The following VCF1 variants were observed in gnomAD, a reference collection of about 807,000 sequenced individuals.
VCF1 encodes protein VCF1.
At chr17:73,208,195 C>T in the VCF1 span, 15 of 1,577,914 alleles carry the variant, frequency 9.5e-6, no homozygotes, top group South Asian at 6.8e-5. Context: ...CTAGAGCCAT[C>T]GTGCTTCTCA....
At chr17:73,208,530 T>C in the VCF1 span, 2 of 1,501,718 alleles carry the variant, frequency 1.3e-6, no homozygotes, top group African/African-American at 1.4e-5. Flanking sequence ...CATCTGATTC[T>C]CAGCCACACC....
At chr17:73,222,425 G>A in the VCF1 span, among the ~76,000 whole-genome samples, 67,468 of 151,538 alleles carry the variant, frequency 0.45, 16,026 homozygotes, top group East Asian at 0.6. Flanking sequence ...CATGTACTTG[G>A]AAAAAACAGC....
chr17:73,207,569 T>G, the VCF1 span: 1 of 720,048 alleles, frequency 1.4e-6, no homozygotes, highest in Non-Finnish European at 2.2e-6. Flanking sequence ...ACTATCATTG[T>G]ACTTGTTTGG....
At chr17:73,230,916 T>A in the VCF1 span, among the ~76,000 whole-genome samples, 1 of 152,256 alleles carries the variant, frequency 6.6e-6, no homozygotes, top group Non-Finnish European at 1.5e-5. Context: ...AGATTTTTTT[T>A]CAGATATGTG....
At chr17:73,215,204 G>A in the VCF1 span, among the ~76,000 whole-genome samples, 11 of 152,200 alleles carry the variant, frequency 7.2e-5, no homozygotes, top group Non-Finnish European at 1.0e-4. Context: ...ACCTACCACT[G>A]TATCCTTATA....
At chr17:73,208,490 C>T in the VCF1 span, 2 of 1,602,194 alleles carry the variant, frequency 1.2e-6, no homozygotes, top group Non-Finnish European at 1.7e-6. Flanking sequence ...TAAATACTAC[C>T]ACATTATTTC....
chr17:73,208,547 T>C, the VCF1 span: 1 of 1,443,006 alleles, frequency 6.9e-7, no homozygotes. Context: ...CACCAATCTT[T>C]CCAGTTTCAC....
chr17:73,209,905 G>T, the VCF1 span: 1 of 1,347,742 alleles, frequency 7.4e-7, no homozygotes, highest in Non-Finnish European at 9.9e-7. Flanking sequence ...CTGGGCTTTG[G>T]AATTGATAAA....
chr17:73,213,875 C>G, the VCF1 span, among the ~76,000 whole-genome samples: 1 of 152,096 alleles, frequency 6.6e-6, no homozygotes, highest in Non-Finnish European at 1.5e-5. Flanking sequence ...GAGGCTGAGA[C>G]AGCAGAATCG....
chr17:73,226,969 C>G, the VCF1 span, among the ~76,000 whole-genome samples: 139,015 of 152,284 alleles, frequency 0.91, 64,137 homozygotes, highest in Non-Finnish European at 0.99. Flanking sequence ...ACTATGTGCA[C>G]ATATGTACTG....
the VCF1 span, among the ~76,000 whole-genome samples, chr17:73,214,819 G>A: frequency 1.3e-5 from 2 of 152,192 alleles, no homozygotes; most frequent in Admixed American, 1.3e-4. Context: ...TACCAAAAGA[G>A]AAACAAGGGT....
the VCF1 span, among the ~76,000 whole-genome samples, chr17:73,210,383 C>T: frequency 6.6e-6 from 1 of 151,706 alleles, no homozygotes; most frequent in Admixed American, 6.6e-5. Context: ...TGTACATGAG[C>T]GTGCCTAACT....
chr17:73,223,349 G>A, the VCF1 span, among the ~76,000 whole-genome samples: 14 of 152,036 alleles, frequency 9.2e-5, no homozygotes, highest in Admixed American at 9.2e-4. Flanking sequence ...AAATAAAATG[G>A]GGGAAAGAAG....
At chr17:73,221,970 G>A in the VCF1 span, among the ~76,000 whole-genome samples, 2 of 150,652 alleles carry the variant, frequency 1.3e-5, no homozygotes, top group East Asian at 3.9e-4. Context: ...CCCCAGAGGC[G>A]GAGGCTGCAG....
chr17:73,212,891 A>G, the VCF1 span, among the ~76,000 whole-genome samples: 2 of 152,220 alleles, frequency 1.3e-5, no homozygotes, highest in African/African-American at 4.8e-5. Flanking sequence ...ATTTCTGTAC[A>G]TAATTTTTTT....
At chr17:73,209,622 G>T in the VCF1 span, 1 of 1,567,218 alleles carries the variant, frequency 6.4e-7, no homozygotes. Context: ...GGCACAGCGC[G>T]GACTGCTCGG....
chr17:73,208,073 T>C, the VCF1 span: 2 of 1,408,134 alleles, frequency 1.4e-6, no homozygotes, highest in Non-Finnish European at 1.8e-6. Flanking sequence ...GAGAAGTGCC[T>C]GTGTCTACCC....
the VCF1 span, among the ~76,000 whole-genome samples, chr17:73,214,961 C>T: frequency 1.3e-5 from 2 of 152,176 alleles, no homozygotes; most frequent in African/African-American, 4.8e-5. Flanking sequence ...TCTGAATTGT[C>T]CATTTAGGCT....
the VCF1 span, among the ~76,000 whole-genome samples, chr17:73,226,761 A>G: frequency 6.6e-6 from 1 of 152,234 alleles, no homozygotes; most frequent in Non-Finnish European, 1.5e-5. Context: ...CATACCTTAC[A>G]TATTTTACAT....
Sources: gnomAD v4.1 joint callset for allele counts (sites outside exome capture counted in the v4.1 genomes callset) on GRCh38, gnomAD v4.1.1 for gene constraint, MANE v1.5 for transcripts, NCBI Gene and HGNC (gene_info 2026-07-23, HGNC 2026-07-21) for gene names.